POU2F3: variants seen among roughly 807,000 people sequenced by gnomAD.
The protein encoded by POU2F3 is POU class 2 homeobox 3.
A neutral mutation model predicts 59.2 loss-of-function variants in POU2F3; 23 were observed. That is an observed-to-expected ratio of 0.39 (90% CI 0.28 to 0.55). POU2F3 has a LOEUF of 0.55. Ranked by LOEUF, POU2F3 falls within the 20% of genes least tolerant of loss-of-function variation. The pLI, the probability that POU2F3 is intolerant of heterozygous loss-of-function variation, is 0.66. For missense variants in POU2F3, 473 were observed against 544.5 expected (o/e 0.87, Z 1.31); for synonymous variants, 190 against 214.6 (o/e 0.89, Z 1.00).
chr11:120,302,508 C>A, intron 6 of POU2F3, 140 bp downstream of exon 6: 1 of 713,250 alleles, frequency 1.4e-6, no homozygotes, highest in South Asian at 2.2e-5. Flanking sequence ...TCCATTGGCA[C>A]AGGGGAAATC....
chr11:120,307,521 AC>A lies in POU2F3; in HGVS notation c.816del (p.Ser273AlafsTer22). ...CCCTCAGTGAGCACGCCCAGCTCCT[AC>A]CCCAGCCTCAGTGAAGTATTTGGTA... ...SDPSVSTPSS[Y>X]PSLSEVFGRK... is the part of the protein sequence containing the mutation. On this transcript the variant is annotated frameshift_variant, in exon 9 of 13. Transcript: ENST00000543440. LOFTEE classifies it high-confidence loss of function. The A allele has an allele frequency of 6.2e-7, 1 of 1,614,098 alleles. No individual in the cohort carries two copies. Among genetic ancestry groups the A allele is most frequent in the Non-Finnish European group, 8.5e-7 (1 of 1,179,978 alleles).
chr11:120,267,352 C>T (rs1939869853), intron 2 of POU2F3, among the ~76,000 whole-genome samples: 1 of 152,126 alleles, frequency 6.6e-6, no homozygotes, highest in Non-Finnish European at 1.5e-5. Context: ...TGGTCTCAAA[C>T]TCCTGACCTC....
At chr11:120,315,184 C>T (rs987089845) in intron 10 of POU2F3, among the ~76,000 whole-genome samples, 177 bp from the exon 11 acceptor site, 5 of 152,208 alleles carry the variant, frequency 3.3e-5, no homozygotes, top group African/African-American at 1.2e-4. Flanking sequence ...GTTCTGGATG[C>T]CAGTATGTGG....
At chr11:120,281,798 C>T (rs1437014188) in intron 3 of POU2F3, among the ~76,000 whole-genome samples, 2 of 152,104 alleles carry the variant, frequency 1.3e-5, no homozygotes, top group African/African-American at 4.8e-5. Flanking sequence ...TTGGCTCCAC[C>T]AACACAATCT....
At chr11:120,239,298 A>AG (rs1044907502), upstream of POU2F3, among the ~76,000 whole-genome samples, 13 of 152,216 alleles carry the variant, frequency 8.5e-5, no homozygotes, top group Admixed American at 6.5e-5. Context: ...AGAGACGAAG[A>AG]GAAAGGGGTG....
chr11:120,288,838 G>A (rs541306439), intron 3 of POU2F3, among the ~76,000 whole-genome samples: 1 of 151,950 alleles, frequency 6.6e-6, no homozygotes, highest in East Asian at 1.9e-4. Context: ...ATATGTACAT[G>A]TATGTAATAC....
intron 6 of POU2F3, chr11:120,302,972 A>T (rs1451863039): frequency 1.3e-5 from 2 of 152,414 alleles, no homozygotes; most frequent in African/African-American, 2.4e-5. Flanking sequence ...CAAGGTGGAC[A>T]GATTGGCGAC....
chr11:120,314,903 C>T (rs933883863), intron 10 of POU2F3, among the ~76,000 whole-genome samples: 2 of 152,170 alleles, frequency 1.3e-5, no homozygotes, highest in Non-Finnish European at 2.9e-5. Flanking sequence ...GGAAAGCCTG[C>T]GAGAGGCTGC....
chr11:120,283,562 G>A (rs1940656524), intron 3 of POU2F3, among the ~76,000 whole-genome samples: 1 of 152,082 alleles, frequency 6.6e-6, no homozygotes, highest in South Asian at 2.1e-4. Context: ...CTGGAATGAT[G>A]GAAGCTCCCG....
At chr11:120,304,697 G>T (rs1941436174) in intron 6 of POU2F3, among the ~76,000 whole-genome samples, 1 of 150,088 alleles carries the variant, frequency 6.7e-6, no homozygotes, top group Non-Finnish European at 1.5e-5. Flanking sequence ...AACCCTGCTA[G>T]CTCCTTTTAT....
chr11:120,286,810 A>G (rs980876563), intron 3 of POU2F3, among the ~76,000 whole-genome samples: 1 of 151,652 alleles, frequency 6.6e-6, no homozygotes, highest in Non-Finnish European at 1.5e-5. Flanking sequence ...CCTTCCTGCT[A>G]TATGTTTGAG....
chr11:120,306,611 T>TCCC lies in POU2F3; in HGVS notation c.769+831_769+833dup, dbSNP rs35692386. Among the ~76,000 whole-genome samples, 929 of 150,854 alleles carry TCCC rather than the reference T, an allele frequency of 6.2e-3. 12 individuals carry two copies. The highest frequency in any genetic ancestry group is 0.022 in the African/African-American group (910 of 40,982). ...CAGGGGGAGTGGTGGTGATGCAGAG[T>TCCC]CCCCCCCGGTTGAGAACTGCCGGCC... On this transcript the variant is annotated intron_variant, in intron 8 of 12. Transcript: ENST00000543440.
intron 8 of POU2F3, 68 bp downstream of exon 8, chr11:120,305,853 G>A (rs1941472158): frequency 7.6e-6 from 12 of 1,574,298 alleles, no homozygotes; most frequent in Admixed American, 1.8e-5. Flanking sequence ...GTGACTTGTC[G>A]TGTTGGGGCT....
At chr11:120,252,963 G>A (rs898392599) in intron 2 of POU2F3, among the ~76,000 whole-genome samples, 13 of 152,100 alleles carry the variant, frequency 8.5e-5, no homozygotes, top group African/African-American at 1.5e-4. Flanking sequence ...TCTGTTCAAC[G>A]TAAGAGGGGA....
At chr11:120,298,671 G>A (rs1053067821) in intron 4 of POU2F3, among the ~76,000 whole-genome samples, 1 of 152,200 alleles carries the variant, frequency 6.6e-6, no homozygotes, top group Non-Finnish European at 1.5e-5. Context: ...GCCACATTCA[G>A]GGGAATCCTA....
At chr11:120,304,843 A>G (rs1472019472) in intron 6 of POU2F3, among the ~76,000 whole-genome samples, 187 bp from the exon 7 acceptor site, 1 of 150,790 alleles carries the variant, frequency 6.6e-6, no homozygotes, top group Non-Finnish European at 1.5e-5. Flanking sequence ...ACATTTATAG[A>G]AACTTTAATT....
At chr11:120,307,719 T>C in intron 9 of POU2F3, 104 bp downstream of exon 9, 2 of 1,433,308 alleles carry the variant, frequency 1.4e-6, no homozygotes, top group South Asian at 2.6e-5. Context: ...ACCTCACACC[T>C]GCTCTGGGAC....
At chr11:120,262,975 A>C (rs1939665189) in intron 2 of POU2F3, among the ~76,000 whole-genome samples, 1 of 103,470 alleles carries the variant, frequency 9.7e-6, no homozygotes, top group Non-Finnish European at 1.6e-5. Flanking sequence ...TTATTTATTT[A>C]TTTATTTATT....
chr11:120,237,784 G>T (rs1938537121), upstream of POU2F3, among the ~76,000 whole-genome samples: 3 of 152,146 alleles, frequency 2.0e-5, no homozygotes, highest in Admixed American at 2.0e-4. Flanking sequence ...CAGGGAAGGG[G>T]CCAAACCTGA....
Sources: gnomAD v4.1 joint callset for allele counts (sites outside exome capture counted in the v4.1 genomes callset) on GRCh38, gnomAD v4.1.1 for gene constraint, MANE v1.5 for transcripts, NCBI Gene and HGNC (gene_info 2026-07-23, HGNC 2026-07-21) for gene names.